The following RBBP7 variants were observed in gnomAD, a reference collection of about 807,000 sequenced individuals.
RBBP7 encodes the protein histone-binding protein RBBP7.
RBBP7 carries 5 observed loss-of-function variants against 35.2 expected under a neutral mutation model. That is an observed-to-expected ratio of 0.14 (90% CI 0.07 to 0.30). The LOEUF is 0.30. Among genes scored for constraint, RBBP7 ranks in the 10% least tolerant of loss-of-function variants. The probability of loss-of-function intolerance (pLI) is 1.00; values close to 1 mark genes in which losing one functional copy is unlikely to be tolerated. For synonymous variants in RBBP7, 140 were observed against 118.7 expected, an observed-to-expected ratio of 1.18 and a Z score of -1.17; for missense variants, 155 against 327.5, an observed-to-expected ratio of 0.47 and a Z score of 4.07.
chrX:16,862,912 AT>A, intron 3 of RBBP7, 42 bp downstream of exon 3: 5 of 1,179,448 alleles, frequency 4.2e-6, no homozygotes, highest in Non-Finnish European at 5.7e-6. Flanking sequence ...TGAAAGAGAC[AT>A]TTTCCCTTTG....
chrX:16,870,099 C>G lies in RBBP7; in HGVS notation c.-46G>C, dbSNP rs770030117. ...CCTCGCCGCCGCCTCGGACTCCTCT[C>G]GTTAGCCAAGAGCAGCCCGACCGCT... On this transcript the variant is annotated 5_prime_UTR_variant, in exon 1 of 12. Transcript: ENST00000380087. 2.8e-6 allele frequency: 3 copies of G among 1,067,556 alleles called. No homozygotes were observed. The African/African-American group carries it at 5.9e-5, about 21-fold the overall frequency. The allele number at this position is 1,067,556 out of a possible 1,213,427, so 88.0% of individuals were successfully genotyped here. A position where few individuals can be genotyped will look rare whatever the true frequency, so the allele number is the denominator to read the frequency against.
chrX:16,846,549 A>G (rs763635852), intron 10 of RBBP7: 1 of 112,407 alleles, frequency 8.9e-6, no homozygotes, highest in Admixed American at 9.4e-5. Flanking sequence ...ATAGTCCCTC[A>G]TAAGCTATGC....
At chrX:16,869,990 C>T (rs1413108652) in intron 1 of RBBP7, 48 bp downstream of exon 1, 2 of 760,942 alleles carry the variant, frequency 2.6e-6, no homozygotes, top group Non-Finnish European at 3.1e-6. Flanking sequence ...CTCGCGCGCC[C>T]GCCGCCCCCC....
intron 2 of RBBP7, among the ~76,000 whole-genome samples, chrX:16,868,405 G>A (rs1479340732): frequency 8.9e-5 from 10 of 112,277 alleles, no homozygotes; most frequent in African/African-American, 2.9e-4. Context: ...CAAGGATGAT[G>A]AAAAGTACCT....
intron 9 of RBBP7, among the ~76,000 whole-genome samples, chrX:16,851,080 C>T (rs755337898): frequency 9.5e-6 from 1 of 105,770 alleles, no homozygotes; most frequent in Non-Finnish European, 1.9e-5. Context: ...GCCAAGATTG[C>T]GCCACTGCAC....
At chrX:16,869,632 C>G in intron 1 of RBBP7, 3 of 1,160,826 alleles carry the variant, frequency 2.6e-6, no homozygotes, top group Non-Finnish European at 3.4e-6. Flanking sequence ...ACGCCCGCCT[C>G]GGCAGCCATA....
chrX:16,869,123 A>G lies in RBBP7; in HGVS notation c.114T>C (p.Ala38=), dbSNP rs1399932945. The G allele has an allele frequency of 5.8e-6, 7 of 1,209,988 alleles. No homozygotes were observed. The highest frequency in any genetic ancestry group is 6.7e-6 in the Non-Finnish European group (6 of 894,937). The part of the protein sequence containing the change: ...PFLYDLVMTH[A]LQWPSLTVQW... ...GAACGGTAAGACTGGGCCACTGAAG[A>G]GCATGGGTCATAACCAGGTCATATA... Residue 38 remains alanine (A), a synonymous_variant, in exon 2 of 12, where the codon GCT becomes GCC. Coordinates refer to ENST00000380087, the MANE Select transcript of RBBP7 (RefSeq NM_002893.4).
chrX:16,865,058 T>A (rs1223150941), intron 2 of RBBP7, among the ~76,000 whole-genome samples: 1 of 50,661 alleles, frequency 2.0e-5, no homozygotes, highest in Admixed American at 3.3e-4. Context: ...AGCAAGACCC[T>A]GTCTCAAAAA....
Position 16,849,177 on chromosome X carries a change from G to A in RBBP7, c.1098+67C>T, listed in dbSNP as rs115956812. 3,939 of 1,057,298 alleles carry A rather than the reference G, an allele frequency of 3.7e-3. 83 individuals carry two copies. The African/African-American group carries it at 0.064, about 17-fold the overall frequency. 87.1% of individuals were successfully genotyped at this position (1,057,298 alleles called of 1,213,427 possible). On this transcript the variant is annotated intron_variant, in intron 10 of 11. Coordinates refer to ENST00000380087, the MANE Select transcript of RBBP7 (RefSeq NM_002893.4). ...GAATTCGAAGTTCTGACCCATTCTC[G>A]AAATAAAGAGATCAATGACAATCCA... is the stretch of plus-strand genomic sequence containing the variant.
intron 5 of RBBP7, among the ~76,000 whole-genome samples, chrX:16,854,481 C>T (rs759207603): frequency 9.0e-6 from 1 of 110,819 alleles, no homozygotes; most frequent in African/African-American, 3.3e-5. Flanking sequence ...ACCAAGAGCC[C>T]GGCGCTCAGC....
chrX:16,852,384 G>A, intron 8 of RBBP7, 167 bp downstream of exon 8: 1 of 606,013 alleles, frequency 1.7e-6, no homozygotes, highest in Non-Finnish European at 2.7e-6. Context: ...CATCCCAGAA[G>A]CTTTTTAATT....
At chrX:16,869,576 G>A in intron 1 of RBBP7, 1 of 1,166,775 alleles carries the variant, frequency 8.6e-7, no homozygotes, top group Non-Finnish European at 1.1e-6. Context: ...GAAGCCCACA[G>A]GCCTGGTCTC....
intron 2 of RBBP7, among the ~76,000 whole-genome samples, chrX:16,865,806 C>CT (rs1930600542): frequency 8.9e-6 from 1 of 112,382 alleles, no homozygotes; most frequent in South Asian, 3.6e-4. Flanking sequence ...CTGAAAATAA[C>CT]TAAGTATCCA....
intron 9 of RBBP7, among the ~76,000 whole-genome samples, chrX:16,850,462 A>G (rs1406049926): frequency 1.8e-5 from 2 of 112,891 alleles, no homozygotes; most frequent in Non-Finnish European, 3.7e-5. Context: ...CAGACTTCCA[A>G]ACCTTGCTGT....
At chrX:16,867,150 T>C (rs1024048347) in intron 2 of RBBP7, among the ~76,000 whole-genome samples, 2 of 111,845 alleles carry the variant, frequency 1.8e-5, no homozygotes, top group Non-Finnish European at 3.8e-5. Context: ...CGTGTACTTA[T>C]GCTGCACCAG....
chrX:16,853,479 T>C (rs1480763505), intron 6 of RBBP7: 12 of 319,580 alleles, frequency 3.8e-5, no homozygotes, highest in African/African-American at 3.0e-4. Context: ...TTTTTAAATT[T>C]TGTGTAGAGT....
At chrX:16,860,812 A>G (rs961342681) in intron 3 of RBBP7, among the ~76,000 whole-genome samples, 2 of 111,994 alleles carry the variant, frequency 1.8e-5, no homozygotes, top group African/African-American at 6.5e-5. Context: ...CATTATGCAG[A>G]GACTGTTAAA....
intron 3 of RBBP7, among the ~76,000 whole-genome samples, chrX:16,860,695 AAG>A (rs1415526723): frequency 1.8e-5 from 2 of 109,217 alleles, no homozygotes; most frequent in Non-Finnish European, 1.9e-5. Flanking sequence ...GAAAAAAAAA[AAG>A]AAAAAAAAAA....
intron 2 of RBBP7, among the ~76,000 whole-genome samples, chrX:16,863,715 G>A (rs1025768247): frequency 1.8e-5 from 2 of 112,236 alleles, no homozygotes; most frequent in African/African-American, 6.5e-5. Flanking sequence ...ACTCACTGAC[G>A]TTTATGATAC....
Sources: gnomAD v4.1 joint callset for allele counts (sites outside exome capture counted in the v4.1 genomes callset) on GRCh38, gnomAD v4.1.1 for gene constraint, MANE v1.5 for transcripts, NCBI Gene and HGNC (gene_info 2026-07-23, HGNC 2026-07-21) for gene names.